Variants in FAM107B observed in about 807,000 individuals in gnomAD.
FAM107B encodes protein FAM107B.
In FAM107B, 21 loss-of-function variants were observed where a neutral mutation model predicts 31.5. The ratio of observed to expected loss-of-function variants is 0.67; its 90% CI spans 0.47 to 0.96. The LOEUF is 0.96. Ranked by LOEUF, FAM107B falls within the 40% of genes least tolerant of loss-of-function variation. The pLI is 0.00. For synonymous variants in FAM107B, 157 were observed against 141.5 expected (o/e 1.11, Z -0.78); for missense variants, 452 against 377.1 (o/e 1.20, Z -1.64).
At chr10:14,598,810 C>T (rs1037961396) in intron 2 of FAM107B, among the ~76,000 whole-genome samples, 4 of 152,232 alleles carry the variant, frequency 2.6e-5, no homozygotes, top group Admixed American at 1.3e-4. Context: ...GACCACATGT[C>T]CCCACCATGC....
chr10:14,652,591 G>C (rs1853929405), intron 2 of FAM107B, among the ~76,000 whole-genome samples: 1 of 152,190 alleles, frequency 6.6e-6, no homozygotes, highest in Non-Finnish European at 1.5e-5. Context: ...AGAGAATTAA[G>C]TAAAAAATCC....
intron 2 of FAM107B, chr10:14,532,610 C>T (rs1847138976): frequency 6.6e-6 from 1 of 152,150 alleles, no homozygotes; most frequent in African/African-American, 2.4e-5. Flanking sequence ...ACTCAGGGAA[C>T]CCATCACAGC....
intron 1 of FAM107B, among the ~76,000 whole-genome samples, chr10:14,751,420 G>T (rs1588754525): frequency 6.6e-6 from 1 of 152,178 alleles, no homozygotes; most frequent in Non-Finnish European, 1.5e-5. Context: ...CTGAGAAGGG[G>T]AGTCTGAAAA....
chr10:14,599,844 C>T (rs1852317864), intron 2 of FAM107B, among the ~76,000 whole-genome samples: 2 of 128,864 alleles, frequency 1.6e-5, no homozygotes. Context: ...ACTGCTATTC[C>T]TTGATCTACA....
At chr10:14,609,294 A>G (rs1451383511) in intron 2 of FAM107B, among the ~76,000 whole-genome samples, 1 of 152,198 alleles carries the variant, frequency 6.6e-6, no homozygotes, top group Non-Finnish European at 1.5e-5. Context: ...ACTGGGGTCT[A>G]TGCTGAAGGC....
chr10:14,681,347 G>T (rs907743038), intron 1 of FAM107B, among the ~76,000 whole-genome samples: 7 of 152,128 alleles, frequency 4.6e-5, no homozygotes, highest in African/African-American at 1.7e-4. Flanking sequence ...AATATCATCA[G>T]GGCCCTCTCT....
At chr10:14,710,587 G>A (rs959269124) in intron 1 of FAM107B, among the ~76,000 whole-genome samples, 18 of 152,010 alleles carry the variant, frequency 1.2e-4, no homozygotes, top group Non-Finnish European at 1.9e-4. Context: ...CACAACAGTG[G>A]TCCCATAAGA....
At chr10:14,713,723 T>A (rs1481635177) in intron 1 of FAM107B, among the ~76,000 whole-genome samples, 1 of 152,084 alleles carries the variant, frequency 6.6e-6, no homozygotes, top group Non-Finnish European at 1.5e-5. Flanking sequence ...AACAGACATA[T>A]GTACATGTAT....
intron 1 of FAM107B, among the ~76,000 whole-genome samples, chr10:14,690,492 C>T (rs572569170): frequency 1.3e-5 from 2 of 152,118 alleles, no homozygotes; most frequent in East Asian, 1.9e-4. Context: ...CTCGCTCTGT[C>T]GCCCAGGCTG....
At chr10:14,636,198 T>A (rs1316091374) in intron 2 of FAM107B, among the ~76,000 whole-genome samples, 4 of 150,248 alleles carry the variant, frequency 2.7e-5, no homozygotes, top group Non-Finnish European at 4.4e-5. Flanking sequence ...AATGGTGGCA[T>A]CCTATGCCCA....
At chr10:14,680,994 T>C (rs1442667107) in intron 1 of FAM107B, among the ~76,000 whole-genome samples, 2 of 152,294 alleles carry the variant, frequency 1.3e-5, no homozygotes, top group Middle Eastern at 6.8e-3. Context: ...CATAACTCAC[T>C]CAGCCATCCA....
chr10:14,716,272 T>A (rs909297648), intron 1 of FAM107B, among the ~76,000 whole-genome samples: 8 of 152,162 alleles, frequency 5.3e-5, no homozygotes, highest in African/African-American at 1.7e-4. Context: ...TATCCTGAGG[T>A]TGTGGCCAAG....
intron 1 of FAM107B, chr10:14,723,767 T>G (rs1379030965): frequency 2.6e-6 from 2 of 757,484 alleles, no homozygotes; most frequent in Non-Finnish European, 4.8e-6. Flanking sequence ...GCAATTAGAG[T>G]GGCTCCAGTG....
intron 2 of FAM107B, among the ~76,000 whole-genome samples, chr10:14,536,067 G>C (rs1847575437): frequency 6.6e-6 from 1 of 152,238 alleles, no homozygotes; most frequent in African/African-American, 2.4e-5. Flanking sequence ...ACCGTAGCTG[G>C]CTTGCCCCAG....
At chr10:14,657,350 CATT>C in intron 2 of FAM107B, among the ~76,000 whole-genome samples, 1 of 152,312 alleles carries the variant, frequency 6.6e-6, no homozygotes, top group Admixed American at 6.5e-5. Flanking sequence ...AATCCTATCT[CATT>C]AGCCTGACAC....
At chr10:14,548,660 C>T (rs1564552806) in intron 2 of FAM107B, 4 of 985,240 alleles carry the variant, frequency 4.1e-6, no homozygotes, top group Non-Finnish European at 4.8e-6. Flanking sequence ...TCCCAGAAGC[C>T]CCCGGGGGCC....
intron 2 of FAM107B, among the ~76,000 whole-genome samples, chr10:14,536,755 C>T (rs981933489): frequency 1.1e-4 from 16 of 152,128 alleles, no homozygotes; most frequent in African/African-American, 3.9e-4. Context: ...AGTGCAGAGA[C>T]GTTATTGTTT....
chr10:14,692,802 C>T (rs1410075), intron 1 of FAM107B, among the ~76,000 whole-genome samples: 63,610 of 152,066 alleles, frequency 0.42, 13,603 homozygotes, highest in African/African-American at 0.49. Context: ...TCTTGCTGCA[C>T]GGGCCGGGGT....
chr10:14,725,619 CAGAG>C (rs3035325), intron 1 of FAM107B, among the ~76,000 whole-genome samples: 1 of 150,506 alleles, frequency 6.6e-6, no homozygotes, highest in Non-Finnish European at 1.5e-5. Flanking sequence ...GAGAGACAGA[CAGAG>C]AGAGAGAAAG....
Sources: allele counts gnomAD v4.1 joint callset (sites outside exome capture counted in the v4.1 genomes callset), GRCh38; gene constraint gnomAD v4.1.1; transcripts MANE v1.5; gene names NCBI Gene and HGNC (gene_info 2026-07-23, HGNC 2026-07-21).